The following AP3B1 variants were observed in gnomAD, a reference collection of about 807,000 sequenced individuals.
AP3B1 encodes adaptor related protein complex 3 subunit beta 1, also known as AP-3 complex subunit beta-1.
AP3B1 carries 61 observed loss-of-function variants against 132.5 expected under a neutral mutation model. The ratio of observed to expected loss-of-function variants is 0.46; its 90% confidence interval spans 0.37 to 0.57. The LOEUF (loss-of-function observed/expected upper bound fraction) is 0.57. Ranked by LOEUF, AP3B1 falls within the 20% of genes least tolerant of loss-of-function variation. The pLI, the probability that AP3B1 is intolerant of heterozygous loss-of-function variation, is 0.00. For missense variants in AP3B1, 1,120 were observed against 1,289.4 expected (o/e 0.87, Z 2.01); for synonymous variants, 388 against 438.3 (o/e 0.89, Z 1.43).
chr5:78,124,780 G>A (rs1182130142), intron 17 of AP3B1, among the ~76,000 whole-genome samples: 1 of 152,050 alleles, frequency 6.6e-6, no homozygotes, highest in Non-Finnish European at 1.5e-5. Flanking sequence ...GGTAAACTCT[G>A]AAGTCCATAT....
chr5:78,193,770 A>ATATATATATATATATATATATTTTTT, intron 7 of AP3B1, among the ~76,000 whole-genome samples: 1 of 67,218 alleles, frequency 1.5e-5, no homozygotes, highest in Admixed American at 1.8e-4. Context: ...ATATATATAT[A>ATATATATATATATATATATATTTTTT]TTTTTTTTTT....
intron 2 of AP3B1, among the ~76,000 whole-genome samples, chr5:78,260,087 G>C (rs1220004447): frequency 1.3e-5 from 2 of 152,006 alleles, no homozygotes; most frequent in African/African-American, 4.8e-5. Context: ...TACAGCTAAA[G>C]CCAGACAAAA....
intron 22 of AP3B1, among the ~76,000 whole-genome samples, chr5:78,082,266 A>G (rs1179194291): frequency 6.6e-6 from 1 of 152,154 alleles, no homozygotes; most frequent in African/African-American, 2.4e-5. Context: ...CCTTCCTCCT[A>G]TAGTCTACAT....
chr5:78,211,355 C>T (rs762142002), intron 7 of AP3B1, among the ~76,000 whole-genome samples: 1 of 152,184 alleles, frequency 6.6e-6, no homozygotes, highest in Admixed American at 6.5e-5. Flanking sequence ...CTGCAATCTA[C>T]TTTGTCAACA....
rs1199136868 is a variant in AP3B1 at position 78,170,974 on chromosome 5, CATTT to C, written c.1167+4648_1167+4651del. ...TATGGCTAGCCAGTTTTCCCAGCACCATTTATTAAATAGGGAATCCTTTCCCTAT... is the reference window on the plus strand; with the variant it reads ...TATGGCTAGCCAGTTTTCCCAGCACCATTAAATAGGGAATCCTTTCCCTAT... On this transcript the variant is annotated intron_variant, in intron 11 of 26. Coordinates refer to ENST00000255194, the MANE Select transcript of AP3B1 (RefSeq NM_003664.5). Among the ~76,000 whole-genome samples the C allele has an allele frequency of 3.9e-5, 6 of 152,238 alleles. 1 individual carries two copies. The highest frequency in any genetic ancestry group is 3.9e-4 in the Admixed American group (6 of 15,294).
At chr5:78,053,678 CAAAAAAAAAAAA>C (rs1166305470) in intron 22 of AP3B1, among the ~76,000 whole-genome samples, 2 of 75,590 alleles carry the variant, frequency 2.6e-5, no homozygotes, top group Non-Finnish European at 4.9e-5. Flanking sequence ...GACTCCATCT[CAAAAAAAAAAAA>C]AAAAAAAGAA....
intron 1 of AP3B1, among the ~76,000 whole-genome samples, chr5:78,280,347 A>T (rs1748996973): frequency 6.6e-6 from 1 of 152,182 alleles, no homozygotes; most frequent in African/African-American, 2.4e-5. Flanking sequence ...CATTACTTTG[A>T]CTGTATTTGG....
intron 7 of AP3B1, among the ~76,000 whole-genome samples, chr5:78,190,142 T>C (rs1157480771): frequency 1.3e-5 from 2 of 152,046 alleles, no homozygotes; most frequent in East Asian, 3.8e-4. Context: ...TATAATGGGA[T>C]TATGAGCTAA....
At chr5:78,169,567 TAC>T (rs1743815502) in intron 11 of AP3B1, among the ~76,000 whole-genome samples, 1 of 152,034 alleles carries the variant, frequency 6.6e-6, no homozygotes, top group Admixed American at 6.6e-5. Context: ...TAGCTAAGAT[TAC>T]AGACATCGGC....
rs75643623 is a variant in AP3B1 at position 78,108,656 on chromosome 5, G to A, written c.2397+1551C>T. ...AGGTTTTTTATACTGACGTTCTATA[G>A]GAAAATATTTTTAACTATCAAGAGA... On this transcript the variant is annotated intron_variant, in intron 20 of 26. Transcript: ENST00000255194. 2.1e-3 allele frequency among the ~76,000 whole-genome samples: 320 copies of A among 152,248 alleles called. 1 individual carries two copies. Among genetic ancestry groups the A allele is most frequent in the African/African-American group, 7.1e-3 (297 of 41,550 alleles).
intron 7 of AP3B1, among the ~76,000 whole-genome samples, chr5:78,188,798 T>C (rs1018366736): frequency 2.0e-5 from 3 of 152,154 alleles, no homozygotes; most frequent in African/African-American, 7.2e-5. Flanking sequence ...TGCAGCACTA[T>C]TCACAATAGC....
chr5:78,068,652 C>T (rs982641023), intron 22 of AP3B1, among the ~76,000 whole-genome samples: 3 of 152,178 alleles, frequency 2.0e-5, no homozygotes, highest in African/African-American at 7.2e-5. Context: ...GATGGATTTA[C>T]AGCTGAATTC....
intron 19 of AP3B1, among the ~76,000 whole-genome samples, chr5:78,112,863 A>T (rs932836093): frequency 6.6e-6 from 1 of 152,222 alleles, no homozygotes; most frequent in Non-Finnish European, 1.5e-5. Flanking sequence ...TTAACTTTGC[A>T]ATGATGAAAA....
intron 17 of AP3B1, among the ~76,000 whole-genome samples, chr5:78,119,021 T>C (rs1390698575): frequency 6.6e-6 from 1 of 152,116 alleles, no homozygotes; most frequent in Non-Finnish European, 1.5e-5. Flanking sequence ...TTCACCAATA[T>C]CCGCTGTTCT....
chr5:78,126,095 A>G (rs1273539683), intron 17 of AP3B1, among the ~76,000 whole-genome samples: 4 of 152,024 alleles, frequency 2.6e-5, no homozygotes, highest in Admixed American at 1.3e-4. Flanking sequence ...AATGAAAAAA[A>G]AAAACGAACC....
At chr5:78,067,066 G>A (rs1280909378) in intron 22 of AP3B1, among the ~76,000 whole-genome samples, 1 of 151,928 alleles carries the variant, frequency 6.6e-6, no homozygotes, top group African/African-American at 2.4e-5. Context: ...GCCAAACTAA[G>A]CTTCAAAAAT....
intron 6 of AP3B1, among the ~76,000 whole-genome samples, chr5:78,224,916 G>A (rs995270116): frequency 5.3e-5 from 8 of 151,956 alleles, no homozygotes; most frequent in Non-Finnish European, 8.8e-5. Flanking sequence ...GTAGGCATAA[G>A]ATCAGCAAAG....
intron 7 of AP3B1, among the ~76,000 whole-genome samples, chr5:78,195,988 A>G (rs1271018600): frequency 6.6e-6 from 1 of 152,192 alleles, no homozygotes. Flanking sequence ...TTTAGATACA[A>G]TACAAAAGAC....
chr5:78,138,647 C>T (rs1753011805), intron 15 of AP3B1, among the ~76,000 whole-genome samples: 1 of 152,010 alleles, frequency 6.6e-6, no homozygotes, highest in Non-Finnish European at 1.5e-5. Flanking sequence ...TGTGTTTTCA[C>T]CATTAGGTGG....
Sources: gnomAD v4.1 joint callset for allele counts (sites outside exome capture counted in the v4.1 genomes callset) on GRCh38, gnomAD v4.1.1 for gene constraint, MANE v1.5 for transcripts, NCBI Gene and HGNC (gene_info 2026-07-23, HGNC 2026-07-21) for gene names.